The following ATP8A2 variants were observed in gnomAD, a reference collection of about 807,000 sequenced individuals.
ATP8A2 encodes phospholipid-transporting ATPase IB.
ATP8A2 carries 100 observed loss-of-function variants against 165.6 expected under a neutral mutation model. The observed-to-expected ratio is 0.60, with a 90% CI of 0.51 to 0.71. The LOEUF (loss-of-function observed/expected upper bound fraction) is 0.71, where lower values mean the gene tolerates loss of function less well. Among genes scored for constraint, ATP8A2 ranks in the 30% least tolerant of loss-of-function variants. The pLI is 0.00. For missense variants in ATP8A2, 1,227 were observed against 1,479.5 expected, an observed-to-expected ratio of 0.83 and a Z score of 2.80; for synonymous variants, 543 against 548.8, an observed-to-expected ratio of 0.99 and a Z score of 0.15.
intron 1 of ATP8A2, among the ~76,000 whole-genome samples, chr13:25,386,992 A>G (rs7986781): frequency 0.57 from 81,513 of 143,554 alleles, 25,264 homozygotes; most frequent in East Asian, 0.76. Flanking sequence ...GCGAGACTCC[A>G]TCTCAAAAAA....
intron 27 of ATP8A2, among the ~76,000 whole-genome samples, chr13:25,810,473 A>C (rs1950841108): frequency 6.6e-6 from 1 of 151,684 alleles, no homozygotes; most frequent in Non-Finnish European, 1.5e-5. Context: ...TATTGGGCCC[A>C]GCCCCAATTT....
At chr13:25,998,971 G>A (rs933861378) in intron 35 of ATP8A2, among the ~76,000 whole-genome samples, 1 of 152,136 alleles carries the variant, frequency 6.6e-6, no homozygotes, top group South Asian at 2.1e-4. Flanking sequence ...GAATAATACA[G>A]AGGAATTTAC....
At chr13:25,738,761 A>G (rs1258860712) in intron 25 of ATP8A2, among the ~76,000 whole-genome samples, 2 of 152,244 alleles carry the variant, frequency 1.3e-5, no homozygotes, top group Non-Finnish European at 2.9e-5. Context: ...AACTCTTTGG[A>G]TGTAATACAA....
chr13:25,706,018 T>A (rs2043048701), intron 25 of ATP8A2, among the ~76,000 whole-genome samples: 2 of 152,220 alleles, frequency 1.3e-5, no homozygotes, highest in South Asian at 4.1e-4. Context: ...AAAACAATAA[T>A]GGATTCAAGG....
At chr13:25,936,446 A>C (rs1312836241) in intron 33 of ATP8A2, among the ~76,000 whole-genome samples, 1 of 152,224 alleles carries the variant, frequency 6.6e-6, no homozygotes. Context: ...ATAAGCCTCA[A>C]TGGGCCTGCG....
intron 33 of ATP8A2, among the ~76,000 whole-genome samples, chr13:25,865,722 G>A (rs949547204): frequency 6.6e-6 from 1 of 152,180 alleles, no homozygotes; most frequent in Admixed American, 6.6e-5. Context: ...GGAAGTCCCA[G>A]TGGAAGTTTC....
chr13:25,785,865 G>A (rs1292639625), intron 27 of ATP8A2, among the ~76,000 whole-genome samples: 3 of 152,160 alleles, frequency 2.0e-5, no homozygotes, highest in Admixed American at 2.0e-4. Context: ...GGAGGACACG[G>A]GAATTCGTGA....
At chr13:25,545,155 G>A (rs2038606694) in intron 10 of ATP8A2, among the ~76,000 whole-genome samples, 1 of 151,976 alleles carries the variant, frequency 6.6e-6, no homozygotes, top group South Asian at 2.1e-4. Context: ...TAGGGGCCCA[G>A]GTGCAGTGGC....
chr13:25,718,399 G>C (rs962821695), intron 25 of ATP8A2, among the ~76,000 whole-genome samples: 3 of 151,326 alleles, frequency 2.0e-5, no homozygotes, highest in African/African-American at 7.3e-5. Context: ...TTTTTTTCCC[G>C]TTTTATTGCC....
Position 25,968,589 on chromosome 13 carries a change from G to A in ATP8A2, c.3287G>A (p.Cys1096Tyr). Reference sequence around the variant, plus strand: ...TCATAACACAGAGCCAAGCACACCTGCAAAAAGACATTGCTGGAGGAGGTG... The same window carrying A: ...TCATAACACAGAGCCAAGCACACCTACAAAAAGACATTGCTGGAGGAGGTG... ...DVAWRAAKHT[C>Y]KKTLLEEVQE... Residue 1096 changes from cysteine (C) to tyrosine (Y), a missense_variant, in exon 35 of 37, where the codon TGC becomes TAC. Physicochemically the swap from Cys to Tyr is radical, Grantham distance 194. Transcript: ENST00000381655. 1 of 1,613,634 alleles carries A rather than the reference G, an allele frequency of 6.2e-7. No individual in the cohort carries two copies. The highest frequency in any genetic ancestry group is 8.5e-7 in the Non-Finnish European group (1 of 1,179,906).
At chr13:25,541,580 T>A (rs1034687454) in intron 8 of ATP8A2, among the ~76,000 whole-genome samples, 1 of 152,210 alleles carries the variant, frequency 6.6e-6, no homozygotes, top group Non-Finnish European at 1.5e-5. Context: ...TACTCTATTC[T>A]ATCTTTATGA....
At chr13:26,012,216 G>A (rs973794434) in intron 35 of ATP8A2, among the ~76,000 whole-genome samples, 1 of 152,172 alleles carries the variant, frequency 6.6e-6, no homozygotes, top group Non-Finnish European at 1.5e-5. Context: ...ATGTTTACCC[G>A]GAAACAGGCC....
chr13:25,527,745 A>G (rs78174351), intron 2 of ATP8A2, among the ~76,000 whole-genome samples: 10 of 151,728 alleles, frequency 6.6e-5, no homozygotes, highest in African/African-American at 2.4e-4. Context: ...TTCCTCCTCA[A>G]CTCTCCATCT....
At chr13:25,862,646 A>T (rs1019084791) in intron 33 of ATP8A2, among the ~76,000 whole-genome samples, 1 of 152,206 alleles carries the variant, frequency 6.6e-6, no homozygotes, top group Admixed American at 6.5e-5. Flanking sequence ...TGTCAACTTA[A>T]ATCCTCCGGC....
At chr13:25,925,515 GAC>G (rs1954576650) in intron 33 of ATP8A2, among the ~76,000 whole-genome samples, 3 of 147,990 alleles carry the variant, frequency 2.0e-5, no homozygotes, top group Admixed American at 6.9e-5. Flanking sequence ...CAGCCTGGGC[GAC>G]AGAGTGAGTC....
chr13:25,503,600 T>C (rs1243223328), intron 2 of ATP8A2, among the ~76,000 whole-genome samples: 1 of 152,158 alleles, frequency 6.6e-6, no homozygotes, highest in Non-Finnish European at 1.5e-5. Flanking sequence ...AACTCCCTCT[T>C]GGAAGGAGTA....
chr13:25,535,074 C>T (rs1302660106), intron 6 of ATP8A2, among the ~76,000 whole-genome samples: 1 of 152,084 alleles, frequency 6.6e-6, no homozygotes, highest in Non-Finnish European at 1.5e-5. Context: ...CTACCTAGAC[C>T]CAGTGGTTCA....
rs150566154 is a variant in ATP8A2 at position 25,618,566 on chromosome 13, A to G, written c.2211+28867A>G. Among the ~76,000 whole-genome samples, 1,204 of 151,438 alleles carry G rather than the reference A, an allele frequency of 8.0e-3. 12 individuals carry two copies. The highest frequency in any genetic ancestry group is 9.8e-3 in the Non-Finnish European group (666 of 67,964). On this transcript the variant is annotated intron_variant, in intron 24 of 36. Transcript: ENST00000381655. ...GGATGCTTGAAAACATCTCATTAGC[A>G]ACTTTGTCTGTTTTAAGCTCTGGAG...
intron 23 of ATP8A2, among the ~76,000 whole-genome samples, chr13:25,587,259 C>T (rs1253780793): frequency 6.6e-6 from 1 of 152,190 alleles, no homozygotes; most frequent in Non-Finnish European, 1.5e-5. Context: ...CTTCCCTGGT[C>T]TGTCTAGTGC....
Sources: allele counts gnomAD v4.1 joint callset (sites outside exome capture counted in the v4.1 genomes callset), GRCh38; gene constraint gnomAD v4.1.1; transcripts MANE v1.5; gene names NCBI Gene and HGNC (gene_info 2026-07-23, HGNC 2026-07-21).